Variants in PDE1A observed in about 807,000 individuals in gnomAD.
PDE1A encodes dual specificity calcium/calmodulin-dependent 3',5'-cyclic nucleotide phosphodiesterase 1A.
A neutral mutation model predicts 61.7 loss-of-function variants in PDE1A; 35 were observed. The observed-to-expected ratio is 0.57, with a 90% CI of 0.43 to 0.75. The LOEUF is 0.75. PDE1A is among the 30% of genes least tolerant of loss of function. The pLI, the probability that PDE1A is intolerant of heterozygous loss-of-function variation, is 0.00. For synonymous variants in PDE1A, 232 were observed against 213.2 expected (o/e 1.09, Z -0.77); for missense variants, 597 against 630.6 (o/e 0.95, Z 0.57).
At chr2:182,671,060 C>G in the PDE1A span, among the ~76,000 whole-genome samples, 3 of 152,092 alleles carry the variant, frequency 2.0e-5, no homozygotes, top group African/African-American at 7.2e-5. Context: ...CCAAGTGATC[C>G]GCCCACCTTG....
At chr2:182,357,128 T>G (rs1359325864) in intron 1 of PDE1A, among the ~76,000 whole-genome samples, 2 of 151,750 alleles carry the variant, frequency 1.3e-5, no homozygotes, top group Non-Finnish European at 2.9e-5. Context: ...CATGTATACA[T>G]ATGTAACAAA....
At chr2:182,228,628 T>C (rs998949293) in intron 6 of PDE1A, among the ~76,000 whole-genome samples, 1 of 152,164 alleles carries the variant, frequency 6.6e-6, no homozygotes. Flanking sequence ...TTAAAATAAC[T>C]TTCCAAAAAT....
rs530708958 is a variant in PDE1A, at chr2:182,251,847, T to C, written c.168-11555A>G. 7.9e-4 allele frequency among the ~76,000 whole-genome samples: 121 copies of C among 152,286 alleles called. 1 individual carries two copies. The highest frequency in any genetic ancestry group is 2.9e-3 in the African/African-American group (120 of 41,562). On this transcript the variant is annotated intron_variant, in intron 2 of 13. Coordinates refer to ENST00000351439, the Ensembl canonical transcript of PDE1A. ...GAATCTTTTATAATGATGTTACAAA[T>C]GGGAATTATCTGTATGTTACTTGAC...
At chr2:182,600,699 C>T in the PDE1A span, among the ~76,000 whole-genome samples, 4 of 152,140 alleles carry the variant, frequency 2.6e-5, no homozygotes, top group African/African-American at 9.7e-5. Context: ...AAATACATGT[C>T]CCCTAAAAGA....
chr2:182,464,060 A>G (rs1686487439), intron 2 of PDE1A, among the ~76,000 whole-genome samples: 1 of 152,046 alleles, frequency 6.6e-6, no homozygotes. Context: ...TGGCTATGCT[A>G]CTCTATGAAA....
At chr2:182,619,172 C>T in the PDE1A span, among the ~76,000 whole-genome samples, 2 of 152,098 alleles carry the variant, frequency 1.3e-5, no homozygotes, top group South Asian at 2.1e-4. Flanking sequence ...TTAAAATATC[C>T]ATGTATTCAA....
At chr2:182,594,380 A>T in the PDE1A span, among the ~76,000 whole-genome samples, 1 of 152,214 alleles carries the variant, frequency 6.6e-6, no homozygotes, top group African/African-American at 2.4e-5. Context: ...ATTGTTGAAG[A>T]TCTGTGCTGT....
At chr2:182,210,910 AAAG>A (rs1257637638) in intron 7 of PDE1A, among the ~76,000 whole-genome samples, 6 of 152,136 alleles carry the variant, frequency 3.9e-5, no homozygotes, top group African/African-American at 7.2e-5. Context: ...CAAAAAAAAA[AAAG>A]AAATTTATTT....
chr2:182,475,903 T>C (rs1270847770), intron 2 of PDE1A, among the ~76,000 whole-genome samples: 8 of 151,966 alleles, frequency 5.3e-5, no homozygotes, highest in African/African-American at 1.9e-4. Flanking sequence ...GTTTTTAACA[T>C]TGTTTTTAAG....
upstream of PDE1A, among the ~76,000 whole-genome samples, chr2:182,430,837 C>G (rs1703902165): frequency 1.6e-5 from 2 of 125,080 alleles, no homozygotes; most frequent in African/African-American, 2.9e-5. Context: ...AACCATCATT[C>G]TCAGTAAACT....
chr2:182,393,717 C>T (rs990333759), intron 1 of PDE1A, among the ~76,000 whole-genome samples: 3 of 152,146 alleles, frequency 2.0e-5, no homozygotes, highest in Admixed American at 6.5e-5. Flanking sequence ...AAATTTTTTC[C>T]ACCAGATACT....
At chr2:182,636,592 T>C in the PDE1A span, among the ~76,000 whole-genome samples, 1 of 152,232 alleles carries the variant, frequency 6.6e-6, no homozygotes, top group Non-Finnish European at 1.5e-5. Flanking sequence ...TATTTTGCTT[T>C]CATCAGTACA....
At chr2:182,302,794 G>GA (rs1553572037) in intron 1 of PDE1A, among the ~76,000 whole-genome samples, 1 of 150,108 alleles carries the variant, frequency 6.7e-6, no homozygotes, top group Non-Finnish European at 1.5e-5. Flanking sequence ...TACCAACTAA[G>GA]TTTTTTTTTT....
the PDE1A span, among the ~76,000 whole-genome samples, chr2:182,688,027 G>A: frequency 3.9e-5 from 6 of 152,334 alleles, no homozygotes; most frequent in African/African-American, 9.6e-5. Flanking sequence ...ATGGGACTAT[G>A]TGAAAAGACC....
chr2:182,153,475 A>G (rs1209773357), intron 13 of PDE1A, among the ~76,000 whole-genome samples: 1 of 152,232 alleles, frequency 6.6e-6, no homozygotes, highest in East Asian at 1.9e-4. Flanking sequence ...TTTCTCCATC[A>G]GAGTGTCATT....
chr2:182,443,629 C>T (rs890796751), intron 2 of PDE1A, among the ~76,000 whole-genome samples: 1 of 151,900 alleles, frequency 6.6e-6, no homozygotes, highest in Non-Finnish European at 1.5e-5. Flanking sequence ...TTCGTATGGC[C>T]TCCCCAGCCA....
intron 7 of PDE1A, among the ~76,000 whole-genome samples, chr2:182,212,292 G>C (rs946549874): frequency 4.6e-5 from 7 of 151,162 alleles, no homozygotes; most frequent in Non-Finnish European, 8.8e-5. Flanking sequence ...CACACACATA[G>C]TGGAATGGCT....
chr2:182,690,523 T>C, the PDE1A span, among the ~76,000 whole-genome samples: 1,753 of 152,162 alleles, frequency 0.012, 75 homozygotes, highest in East Asian at 0.089. Flanking sequence ...ATTGATGGGA[T>C]GTATCTCAAA....
chr2:182,504,342 C>A (rs1027757306), intron 2 of PDE1A, among the ~76,000 whole-genome samples: 5 of 152,104 alleles, frequency 3.3e-5, no homozygotes, highest in African/African-American at 1.2e-4. Context: ...GTAGATACAA[C>A]CAAATTATCT....
Sources: allele counts gnomAD v4.1 joint callset (sites outside exome capture counted in the v4.1 genomes callset), GRCh38; gene constraint gnomAD v4.1.1; transcripts MANE v1.5; gene names NCBI Gene and HGNC (gene_info 2026-07-23, HGNC 2026-07-21).